The following MGAT4D variants were observed in gnomAD, a reference collection of about 807,000 sequenced individuals.
The protein encoded by MGAT4D is alpha-1,3-mannosyl-glycoprotein 4-beta-N-acetylglucosaminyltransferase-like protein MGAT4D.
In MGAT4D, 34 loss-of-function variants were observed where a neutral mutation model predicts 15.9. The observed-to-expected ratio is 2.14, with a 90% CI of 1.62 to 2.84. The LOEUF (loss-of-function observed/expected upper bound fraction) is 2.84, where lower values mean the gene tolerates loss of function less well. MGAT4D is among the 30% of genes most tolerant of loss of function. MGAT4D has a pLI of 0.00. For missense variants in MGAT4D, 327 were observed against 140.2 expected, an observed-to-expected ratio of 2.33 and a Z score of -6.73; for synonymous variants, 112 against 48.2, an observed-to-expected ratio of 2.33 and a Z score of -5.49.
At chr4:140,462,464 T>G (rs1731257049) in intron 6 of MGAT4D, 1 of 152,674 alleles carries the variant, frequency 6.5e-6, no homozygotes, top group African/African-American at 2.4e-5. Context: ...TTTACGGGTC[T>G]TTAAACCATT....
rs1463378595 is a variant in MGAT4D, at chr4:140,479,549, T to G, written c.332A>C (p.His111Pro). The G allele has an allele frequency of 1.8e-6, 1 of 557,130 alleles. No homozygotes were observed. The highest frequency in any genetic ancestry group is 3.2e-6 in the Non-Finnish European group (1 of 314,418). The allele number at this position is 557,130 out of a possible 1,614,324, so 34.5% of individuals were successfully genotyped here. Residue 111 changes from histidine to proline, a missense_variant, in exon 3 of 11, where the codon CAT becomes CCT. Physicochemically the swap from His to Pro is moderately conservative, Grantham distance 77. Transcript: ENST00000511113. ...TFEDLKFFFP[H>P]LRKEGRIYPD... ...ATAAATTCTACCTTCTTTCCTTAGA[T>G]GAGGAAAAAAGAACTTTAAGTCTTC...
intron 9 of MGAT4D, among the ~76,000 whole-genome samples, chr4:140,454,314 G>A (rs769278161): frequency 7.2e-4 from 110 of 151,982 alleles, no homozygotes; most frequent in Non-Finnish European, 1.1e-3. Flanking sequence ...GTTTTATTAC[G>A]TATGAATTTT....
chr4:140,492,153 G>T (rs1372408457), intron 1 of MGAT4D, among the ~76,000 whole-genome samples: 2 of 152,140 alleles, frequency 1.3e-5, no homozygotes, highest in African/African-American at 4.8e-5. Flanking sequence ...TTGTGGGGGG[G>T]AAAATGTATA....
intron 8 of MGAT4D, chr4:140,457,639 G>C (rs1730897061): frequency 6.6e-6 from 1 of 152,132 alleles, no homozygotes; most frequent in Admixed American, 6.6e-5. Flanking sequence ...AAAAACTTTT[G>C]TAAGTTAAAA....
intron 9 of MGAT4D, among the ~76,000 whole-genome samples, chr4:140,453,285 C>CA (rs1181516740): frequency 1.3e-5 from 2 of 151,922 alleles, no homozygotes; most frequent in African/African-American, 4.8e-5. Flanking sequence ...AGAATATCTA[C>CA]CAAAAAATTC....
In MGAT4D at chr4:140,479,634, GA is replaced by G. The variant is rs112616154; in HGVS notation, c.254-8del. On this transcript the variant is annotated splice_polypyrimidine_tract_variant and splice_region_variant and intron_variant, in intron 2 of 10. Coordinates refer to ENST00000511113, the MANE Select transcript of MGAT4D (RefSeq NM_001277353.2). Reference sequence around the variant, plus strand: ...ATGTCTGCTTTCTGTGCAACTGAAAGAAAAAAATAATGCTTCTGAGTATATG... The same window carrying G: ...ATGTCTGCTTTCTGTGCAACTGAAAGAAAAAATAATGCTTCTGAGTATATG... 2 of 442,040 alleles carry G rather than the reference GA, an allele frequency of 4.5e-6. No individual in the cohort carries two copies. The highest frequency in any genetic ancestry group is 8.0e-6 in the Non-Finnish European group (2 of 250,020). 27.4% of individuals were successfully genotyped at this position (442,040 alleles called of 1,614,324 possible).
intron 10 of MGAT4D, among the ~76,000 whole-genome samples, chr4:140,446,813 T>G (rs1730165794): frequency 1.4e-5 from 2 of 146,598 alleles, no homozygotes; most frequent in African/African-American, 5.0e-5. Flanking sequence ...TAACTTGAGA[T>G]CTTTCTAGCT....
chr4:140,485,541 T>G (rs544208765), intron 1 of MGAT4D, among the ~76,000 whole-genome samples: 7 of 151,300 alleles, frequency 4.6e-5, no homozygotes, highest in Non-Finnish European at 8.8e-5. Flanking sequence ...CCCTAAAACT[T>G]AAAAGTATAA....
At chr4:140,444,804 T>C (rs533547186) in intron 10 of MGAT4D, among the ~76,000 whole-genome samples, 1 of 152,226 alleles carries the variant, frequency 6.6e-6, no homozygotes, top group Non-Finnish European at 1.5e-5. Flanking sequence ...CTTTCCATGA[T>C]GATTGAACTA....
In MGAT4D at chr4:140,498,280, G is replaced by C. The variant is rs1241045; in HGVS notation, c.-58C>G. On this transcript the variant is annotated 5_prime_UTR_variant, in exon 1 of 11. Coordinates refer to ENST00000511113, the MANE Select transcript of MGAT4D (RefSeq NM_001277353.2). ...GGAGGCGGCGGATAATGCCAGGGAC[G>C]GGGTTGAGCGCGCAGAGCCCCCTCC... 8.6e-6 allele frequency: 6 copies of C among 695,574 alleles called. No individual in the cohort carries two copies. Among genetic ancestry groups the C allele is most frequent in the Non-Finnish European group, 1.6e-5 (6 of 380,938 alleles). The allele number at this position is 695,574 out of a possible 1,614,324, so 43.1% of individuals were successfully genotyped here. A position where few individuals can be genotyped will look rare whatever the true frequency, so the allele number is the denominator to read the frequency against.
intron 10 of MGAT4D, among the ~76,000 whole-genome samples, chr4:140,449,413 T>G (rs941858463): frequency 1.3e-5 from 2 of 152,324 alleles, no homozygotes; most frequent in Middle Eastern, 3.4e-3. Flanking sequence ...TAGAGATAAA[T>G]AAAATTATTT....
chr4:140,492,574 G>A (rs1578726209), intron 1 of MGAT4D, among the ~76,000 whole-genome samples: 1 of 151,234 alleles, frequency 6.6e-6, no homozygotes, highest in Admixed American at 6.6e-5. Context: ...ATTACAGTGA[G>A]CCAAGATTGC....
At chr4:140,456,146 T>C (rs985867174) in intron 9 of MGAT4D, among the ~76,000 whole-genome samples, 4 of 152,080 alleles carry the variant, frequency 2.6e-5, no homozygotes, top group African/African-American at 9.7e-5. Flanking sequence ...AATAAATAAA[T>C]AGCTACTACT....
chr4:140,482,546 T>A, intron 1 of MGAT4D, 61 bp from the exon 2 acceptor site: 1 of 558,702 alleles, frequency 1.8e-6, no homozygotes, highest in Non-Finnish European at 3.1e-6. Flanking sequence ...CAATTTTCTA[T>A]AATAGGTAAG....
chr4:140,461,956 G>A lies in MGAT4D; in HGVS notation c.735C>T (p.Ala245=), dbSNP rs141556089. Reference sequence around the variant, plus strand: ...GTAAATAATACTTGGCCTTGGGTTGGGCATACAGCAACAAAATGCAAAAAT... The same window carrying A: ...GTAAATAATACTTGGCCTTGGGTTGAGCATACAGCAACAAAATGCAAAAAT... The part of the protein sequence containing the change: ...VLDFCILLLY[A]QPKAKYYLQL... Residue 245 remains alanine (A), a synonymous_variant, in exon 7 of 11, where the codon GCC becomes GCT. Transcript: ENST00000511113. 1,858 of 698,698 alleles carry A rather than the reference G, an allele frequency of 2.7e-3. 4 individuals carry two copies. The highest frequency in any genetic ancestry group is 4.0e-3 in the Non-Finnish European group (1,520 of 383,062). The allele number at this position is 698,698 out of a possible 1,614,324, so 43.3% of individuals were successfully genotyped here.
At chr4:140,450,983 A>T (rs1730436708) in intron 10 of MGAT4D, among the ~76,000 whole-genome samples, 1 of 152,136 alleles carries the variant, frequency 6.6e-6, no homozygotes, top group Non-Finnish European at 1.5e-5. Context: ...GCAACGCTAA[A>T]TTTTTCTTCA....
chr4:140,470,854 A>C (rs1731886231), intron 5 of MGAT4D, among the ~76,000 whole-genome samples: 1 of 151,538 alleles, frequency 6.6e-6, no homozygotes, highest in Non-Finnish European at 1.5e-5. Flanking sequence ...CACCACTAGG[A>C]CAATGCTAGC....
In MGAT4D at chr4:140,498,266, A is replaced by T. The variant is rs1401952630; in HGVS notation, c.-44T>A. ...GGAGGCCGGCGGGTGGAGGCGGCGG[A>T]TAATGCCAGGGACGGGGTTGAGCGC... On this transcript the variant is annotated 5_prime_UTR_variant, in exon 1 of 11. Transcript: ENST00000511113. 2 of 701,080 alleles carry T rather than the reference A, an allele frequency of 2.9e-6. No individual in the cohort carries two copies. The highest frequency in any genetic ancestry group is 2.6e-6 in the Non-Finnish European group (1 of 383,984). The allele number at this position is 701,080 out of a possible 1,614,324, so 43.4% of individuals were successfully genotyped here.
At chr4:140,454,040 T>G (rs928160623) in intron 9 of MGAT4D, among the ~76,000 whole-genome samples, 4 of 144,832 alleles carry the variant, frequency 2.8e-5, no homozygotes, top group African/African-American at 7.7e-5. Context: ...GTGTGTGTGT[T>G]TATTCTTTGT....
Sources: allele counts gnomAD v4.1 joint callset (sites outside exome capture counted in the v4.1 genomes callset), GRCh38; gene constraint gnomAD v4.1.1; transcripts MANE v1.5; gene names NCBI Gene and HGNC (gene_info 2026-07-23, HGNC 2026-07-21).